Variants in CAD observed in about 807,000 individuals in gnomAD.
CAD encodes multifunctional protein CAD.
A neutral mutation model predicts 237.2 loss-of-function variants in CAD; 81 were observed. The observed-to-expected ratio is 0.34, with a 90% CI of 0.29 to 0.41. The LOEUF is 0.41. CAD is among the 10% of genes least tolerant of loss of function. CAD has a pLI of 1.00. For synonymous variants in CAD, 1,196 were observed against 1,162.8 expected (o/e 1.03, Z -0.58); for missense variants, 2,181 against 2,951.7 (o/e 0.74, Z 6.05).
chr2:27,239,759 G>A lies in CAD; in HGVS notation c.5457G>A (p.Gln1819=). The part of the protein sequence containing the change: ...VRKWPQGAVP[Q]LPPSAPATSE... ...AGTGGCCACAGGGGGCTGTTCCTCAGCTCCCACCCTCAGCCCCTGCCACTA... is the reference window on the plus strand; with the variant it reads ...AGTGGCCACAGGGGGCTGTTCCTCAACTCCCACCCTCAGCCCCTGCCACTA... The change falls in exon 34 of 44, where the codon CAG becomes CAA. Residue 1819 remains glutamine, a synonymous_variant. Transcript: ENST00000264705. The surrounding 1 kb of genome is among the most constrained non-coding windows in gnomAD (Gnocchi z 4.0). The A allele has an allele frequency of 6.3e-7, 1 of 1,588,068 alleles. No individual in the cohort carries two copies. The highest frequency in any genetic ancestry group is 8.6e-7 in the Non-Finnish European group (1 of 1,166,184).
chr2:27,218,512 T>C (rs1372197970), intron 2 of CAD, among the ~76,000 whole-genome samples: 3 of 152,102 alleles, frequency 2.0e-5, no homozygotes, highest in Non-Finnish European at 4.4e-5. Context: ...TAGGACTACA[T>C]AAATTAGTGG....
Position 27,236,954 on chromosome 2 carries a change from C to G in CAD, c.4396+124C>G. Reference sequence around the variant, plus strand: ...CTGGACTGCACAGACTGTGAAGACCCCAGAATGTTTCTCACTCTTTCATTC... The same window carrying G: ...CTGGACTGCACAGACTGTGAAGACCGCAGAATGTTTCTCACTCTTTCATTC... On this transcript the variant is annotated intron_variant, in intron 27 of 43. Transcript: ENST00000264705. This position sits in a 1 kb window ranked among gnomAD's most constrained non-coding sequence, Gnocchi z 4.1. 2 of 794,136 alleles carry G rather than the reference C, an allele frequency of 2.5e-6. No individual in the cohort carries two copies. Among genetic ancestry groups the G allele is most frequent in the Non-Finnish European group, 4.4e-6 (2 of 450,990 alleles). 49.2% of individuals were successfully genotyped at this position (794,136 alleles called of 1,614,324 possible).
In CAD at chr2:27,232,114, A is replaced by G; in HGVS notation, c.2535A>G (p.Ala845=). 1 of 1,614,222 alleles carries G rather than the reference A, an allele frequency of 6.2e-7. No individual in the cohort carries two copies. Among genetic ancestry groups the G allele is most frequent in the Non-Finnish European group, 8.5e-7 (1 of 1,180,034 alleles). The change falls in exon 17 of 44, where the codon GCA becomes GCG. Residue 845 remains alanine, a synonymous_variant. Transcript: ENST00000264705. This position sits in a 1 kb window ranked among gnomAD's most constrained non-coding sequence, Gnocchi z 4.1. ...WFLHRMKRII[A]HAQLLEQHRG... ...TGCACCGAATGAAGCGTATCATCGC[A>G]CATGCCCAGCTGCTAGAACAACACC...
chr2:27,242,176 A>AT lies in CAD; in HGVS notation c.6096+54dup. 5.0e-6 allele frequency: 8 copies of AT among 1,597,852 alleles called. No homozygotes were observed. Among genetic ancestry groups the AT allele is most frequent in the Non-Finnish European group, 6.8e-6 (8 of 1,169,352 alleles). On this transcript the variant is annotated intron_variant, in intron 39 of 43. Transcript: ENST00000264705. The surrounding 1 kb of genome is among the most constrained non-coding windows in gnomAD (Gnocchi z 6.4). ...GGTTAAGAAGGCTGGACCCAGGGGC[A>AT]TGAGAACCCTTCTGCCCACGTTTTC...
In CAD at chr2:27,241,488, C is replaced by T; in HGVS notation, c.5883+92C>T. ...CGCGCAGTGGTCAGAGTGGGTCTTCCTCCCCCTGCCATCCCGTCCCCTTAT... is the reference window on the plus strand; with the variant it reads ...CGCGCAGTGGTCAGAGTGGGTCTTCTTCCCCCTGCCATCCCGTCCCCTTAT... On this transcript the variant is annotated intron_variant, in intron 38 of 43. Coordinates refer to ENST00000264705, the MANE Select transcript of CAD (RefSeq NM_004341.5). This position sits in a 1 kb window ranked among gnomAD's most constrained non-coding sequence, Gnocchi z 4.6. The T allele has an allele frequency of 8.5e-7, 1 of 1,183,120 alleles. No individual in the cohort carries two copies. 73.3% of individuals were successfully genotyped at this position (1,183,120 alleles called of 1,614,324 possible).
At chr2:27,230,751 T>C (rs529214058) in intron 15 of CAD, among the ~76,000 whole-genome samples, 44 of 152,374 alleles carry the variant, frequency 2.9e-4, no homozygotes, top group African/African-American at 8.7e-4. Context: ...ATCTACACTT[T>C]TTTAAAAAGT....
rs773481799 is a variant in CAD at position 27,235,497 on chromosome 2, A to C, written c.3970-39A>C. The stretch of plus-strand genomic sequence containing the variant: ...GCCAGGGCTGACCTTGAAATGGAAG[A>C]CAGGAAGAAAACAATTTCATCCTTC... On this transcript the variant is annotated intron_variant, in intron 24 of 43. Coordinates refer to ENST00000264705, the MANE Select transcript of CAD (RefSeq NM_004341.5). The surrounding 1 kb of genome is among the most constrained non-coding windows in gnomAD (Gnocchi z 5.2). 6.2e-7 allele frequency: 1 copy of C among 1,612,312 alleles called. No individual in the cohort carries two copies.
In CAD at chr2:27,232,465, G is replaced by T. The variant is rs763307714; in HGVS notation, c.2663G>T (p.Arg888Leu). The T allele has an allele frequency of 6.2e-7, 1 of 1,614,026 alleles. No individual in the cohort carries two copies. The change falls in exon 18 of 44, where the codon CGC becomes CTC. Residue 888 changes from arginine (R) to leucine (L), a missense_variant. Around this residue, in one of 12 missense-constraint regions of CAD, gnomAD observed 385 missense variants for 535.1 expected, o/e 0.72. Coordinates refer to ENST00000264705, the MANE Select transcript of CAD (RefSeq NM_004341.5). The surrounding 1 kb of genome is among the most constrained non-coding windows in gnomAD (Gnocchi z 4.1). ...LAVLSTELAV[R>L]KLRQELGICP... ...TATTTTAGCACAGAGCTGGCTGTTC[G>T]CAAGCTGCGTCAGGAACTGGGGATC... is the stretch of plus-strand genomic sequence containing the variant.
chr2:27,223,487 C>T (rs543586509), intron 6 of CAD, 76 bp from the exon 7 acceptor site: 7 of 1,267,576 alleles, frequency 5.5e-6, no homozygotes, highest in African/African-American at 3.0e-5. Flanking sequence ...AACAGGAGAT[C>T]GGTGAGAGCT....
intron 2 of CAD, among the ~76,000 whole-genome samples, chr2:27,219,838 C>T (rs1675066296): frequency 2.0e-5 from 3 of 152,198 alleles, no homozygotes; most frequent in African/African-American, 7.2e-5. Context: ...ATCTGCCCAC[C>T]TCGGCCTCCC....
In CAD at chr2:27,232,038, G is replaced by C; in HGVS notation, c.2459G>C (p.Gly820Ala). ...IFVVAAALWAGYSVDRLYELT... is the reference protein window; with the variant it reads ...IFVVAAALWAAYSVDRLYELT... ...GTGGTGGCAGCTGCTTTGTGGGCTGGTTATTCAGTGGACCGCCTGTATGAG... is the reference window on the plus strand; with the variant it reads ...GTGGTGGCAGCTGCTTTGTGGGCTGCTTATTCAGTGGACCGCCTGTATGAG... Residue 820 changes from glycine to alanine, a missense_variant, in exon 17 of 44, where the codon GGT (glycine) becomes GCT (alanine). Transcript: ENST00000264705. This position sits in a 1 kb window ranked among gnomAD's most constrained non-coding sequence, Gnocchi z 4.1. The C allele has an allele frequency of 6.2e-7, 1 of 1,614,244 alleles. No homozygotes were observed. Among genetic ancestry groups the C allele is most frequent in the Non-Finnish European group, 8.5e-7 (1 of 1,180,048 alleles).
Position 27,242,828 on chromosome 2 carries a change from CAG to C in CAD, c.6379-41_6379-40del. The C allele has an allele frequency of 1.2e-6, 2 of 1,613,376 alleles. No homozygotes were observed. The highest frequency in any genetic ancestry group is 1.7e-6 in the Non-Finnish European group (2 of 1,179,294). ...GCCATGGAGATGTGGGTTGGGCAGT[CAG>C]AGCCCAGCGCTGCATCCACCATGGC... On this transcript the variant is annotated intron_variant, in intron 41 of 43. Transcript: ENST00000264705. This position sits in a 1 kb window ranked among gnomAD's most constrained non-coding sequence, Gnocchi z 6.4.
intron 15 of CAD, among the ~76,000 whole-genome samples, chr2:27,230,764 T>A (rs1675710744): frequency 6.6e-6 from 1 of 152,272 alleles, no homozygotes; most frequent in Admixed American, 6.5e-5. Flanking sequence ...TAAAAAGTTT[T>A]AAAGAATTCC....
Position 27,226,282 on chromosome 2 carries a change from G to C in CAD, c.1994G>C (p.Cys665Ser), listed in dbSNP as rs1316246173. 1.9e-6 allele frequency: 3 copies of C among 1,614,206 alleles called. No individual in the cohort carries two copies. The highest frequency in any genetic ancestry group is 2.2e-5 in the East Asian group (1 of 44,876). ...VTQHLGIVGE[C>S]NVQYALNPES... ...CAGCACCTGGGAATTGTTGGGGAGT[G>C]CAATGTGCAGTATGCCTTGAACCCT... is the stretch of plus-strand genomic sequence containing the variant. The change falls in exon 13 of 44, where the codon TGC becomes TCC. Residue 665 changes from cysteine (C) to serine (S), a missense_variant. Physicochemically the swap from Cys to Ser is moderately radical, Grantham distance 112. This residue lies in a region of CAD where 385 missense variants were observed against 535.1 expected (regional missense o/e 0.72). Coordinates refer to ENST00000264705, the MANE Select transcript of CAD (RefSeq NM_004341.5).
Position 27,233,406 on chromosome 2 carries a change from G to A in CAD, c.3086G>A (p.Arg1029Gln), listed in dbSNP as rs757541618. The A allele has an allele frequency of 6.2e-7, 1 of 1,614,232 alleles. No homozygotes were observed. Among genetic ancestry groups the A allele is most frequent in the Non-Finnish European group, 8.5e-7 (1 of 1,180,036 alleles). ...LPNNMAMALH[R>Q]QQCRVLGTSP... ...AACAACATGGCCATGGCGTTGCATC[G>A]GCAGCAGTGCCGGGTGCTGGGCACC... Residue 1029 changes from arginine (R) to glutamine (Q), a missense_variant, in exon 20 of 44, where the codon CGG becomes CAG. Arg to Gln is a conservative substitution (Grantham distance 43). Around this residue, in one of 12 missense-constraint regions of CAD, gnomAD observed 306 missense variants for 607.9 expected, o/e 0.50. Transcript: ENST00000264705. The surrounding 1 kb of genome is among the most constrained non-coding windows in gnomAD (Gnocchi z 6.3).
In CAD at chr2:27,225,977, G is replaced by A. The variant is rs896774229; in HGVS notation, c.1842+51G>A. On this transcript the variant is annotated intron_variant, in intron 12 of 43. Coordinates refer to ENST00000264705, the MANE Select transcript of CAD (RefSeq NM_004341.5). Reference sequence around the variant, plus strand: ...GTCGTGTCAGGCAGGATGAGCTTTTGGAAGAGCAGAGGCCCAGGCCAAGGT... The same window carrying A: ...GTCGTGTCAGGCAGGATGAGCTTTTAGAAGAGCAGAGGCCCAGGCCAAGGT... 1.9e-6 allele frequency: 3 copies of A among 1,576,702 alleles called. No individual in the cohort carries two copies. In the African/African-American group the frequency reaches 4.0e-5, roughly 21 times the overall value.
In CAD at chr2:27,240,139, G is replaced by T; in HGVS notation, c.5497-126G>T. ...ATCTGTAATCCCAGCTACTTGGGAG[G>T]CTGAGGCAGGAGAATTGCTTGAACC... is the stretch of plus-strand genomic sequence containing the variant. On this transcript the variant is annotated intron_variant, in intron 34 of 43. Coordinates refer to ENST00000264705, the MANE Select transcript of CAD (RefSeq NM_004341.5). This position sits in a 1 kb window ranked among gnomAD's most constrained non-coding sequence, Gnocchi z 4.6. 1.3e-6 allele frequency: 1 copy of T among 776,874 alleles called. No homozygotes were observed. The highest frequency in any genetic ancestry group is 2.2e-6 in the Non-Finnish European group (1 of 463,634). 48.1% of individuals were successfully genotyped at this position (776,874 alleles called of 1,614,324 possible). A position where few individuals can be genotyped will look rare whatever the true frequency, so the allele number is the denominator to read the frequency against.
intron 15 of CAD, among the ~76,000 whole-genome samples, chr2:27,228,031 C>T (rs970221997): frequency 3.3e-5 from 5 of 152,160 alleles, no homozygotes; most frequent in African/African-American, 2.4e-5. Flanking sequence ...ACCACAGTTA[C>T]AAAGAAATTG....
intron 9 of CAD, 69 bp from the exon 10 acceptor site, chr2:27,224,676 T>C: frequency 1.9e-6 from 3 of 1,578,956 alleles, no homozygotes; most frequent in South Asian, 1.1e-5. Flanking sequence ...AAGAGGAGAA[T>C]GCTACTCTAA....
Sources: allele counts gnomAD v4.1 joint callset (sites outside exome capture counted in the v4.1 genomes callset), GRCh38; gene constraint gnomAD v4.1.1; regional missense constraint gnomAD v4.1.1; non-coding constraint Gnocchi (gnomAD v3.1); transcripts MANE v1.5; gene names NCBI Gene and HGNC (gene_info 2026-07-23, HGNC 2026-07-21).